The following HIP1 variants were observed in gnomAD, a reference collection of about 807,000 sequenced individuals.
HIP1 encodes huntingtin interacting protein 1.
HIP1 carries 65 observed loss-of-function variants against 147.6 expected under a neutral mutation model. That is an observed-to-expected ratio of 0.44 (90% CI 0.36 to 0.54). The LOEUF (loss-of-function observed/expected upper bound fraction) is 0.54. Among genes scored for constraint, HIP1 ranks in the 20% least tolerant of loss-of-function variants. The pLI is 0.00. For missense variants in HIP1, 1,061 were observed against 1,299.6 expected (o/e 0.82, Z 2.82); for synonymous variants, 479 against 504.0 (o/e 0.95, Z 0.67).
intron 1 of HIP1, among the ~76,000 whole-genome samples, chr7:75,601,732 G>T (rs1325214011): frequency 2.0e-5 from 3 of 152,080 alleles, no homozygotes; most frequent in Non-Finnish European, 4.4e-5. Flanking sequence ...CATTACAAAG[G>T]CAGAGTTGAA....
At chr7:75,658,553 G>C (rs1375442824) in intron 1 of HIP1, among the ~76,000 whole-genome samples, 1 of 152,056 alleles carries the variant, frequency 6.6e-6, no homozygotes, top group South Asian at 2.1e-4. Flanking sequence ...CACAGAGGTC[G>C]CTGGGTTTGG....
At chr7:75,542,802 G>A (rs369861671) in intron 28 of HIP1, 49 bp downstream of exon 28, 1 of 1,595,128 alleles carries the variant, frequency 6.3e-7, no homozygotes, top group Admixed American at 1.7e-5. Context: ...AGGATGCAGA[G>A]AAGAGCTCAA....
intron 1 of HIP1, among the ~76,000 whole-genome samples, chr7:75,607,765 C>T (rs998964177): frequency 7.2e-5 from 11 of 151,730 alleles, no homozygotes; most frequent in Non-Finnish European, 1.3e-4. Context: ...TGCCCAGGCC[C>T]GTAACATCAG....
intron 1 of HIP1, among the ~76,000 whole-genome samples, chr7:75,686,687 A>C (rs1554517624): frequency 6.6e-6 from 1 of 151,526 alleles, no homozygotes; most frequent in Non-Finnish European, 1.5e-5. Flanking sequence ...TTTGAGACAG[A>C]GTTTCACTCT....
intron 5 of HIP1, among the ~76,000 whole-genome samples, chr7:75,582,454 G>C (rs1260606046): frequency 4.6e-5 from 7 of 152,186 alleles, no homozygotes; most frequent in African/African-American, 1.7e-4. Context: ...CTGTGGCAAA[G>C]GGAAAAGGCC....
At chr7:75,623,370 C>A (rs1377668119) in intron 1 of HIP1, among the ~76,000 whole-genome samples, 2 of 152,220 alleles carry the variant, frequency 1.3e-5, no homozygotes, top group Admixed American at 6.5e-5. Context: ...TCAAGGTTTT[C>A]TTGTTTCCAG....
rs1256122203 is a variant in HIP1 at position 75,723,955 on chromosome 7, G to T, written c.120+14846C>A. ...ATTATCATTTATATATATATAGAGAGAGAGAGAGAGAGAGAAAGAGAGACA... is the reference window on the plus strand; with the variant it reads ...ATTATCATTTATATATATATAGAGATAGAGAGAGAGAGAGAAAGAGAGACA... On this transcript the variant is annotated intron_variant, in intron 1 of 30. Transcript: ENST00000336926. 2.6e-3 allele frequency among the ~76,000 whole-genome samples: 343 copies of T among 129,766 alleles called. 2 individuals carry two copies. Among genetic ancestry groups the T allele is most frequent in the South Asian group, 8.1e-3 (29 of 3,570 alleles). 85.1% of individuals were successfully genotyped at this position (129,766 alleles called of 152,430 possible).
Position 75,533,646 on chromosome 7 carries a change from G to A in HIP1, c.*4526C>T, listed in dbSNP as rs79072232. ...TGAGTGGTAATCAGTTTCATTTAGG[G>A]CCTTCAAACCTGAGGTAGTTGAGGG... On this transcript the variant is annotated 3_prime_UTR_variant, in exon 31 of 31. Transcript: ENST00000336926. 723 of 232,616 alleles carry A rather than the reference G, an allele frequency of 3.1e-3. 1 individual carries two copies. The highest frequency in any genetic ancestry group is 0.015 in the African/African-American group (685 of 45,428). The allele number at this position is 232,616 out of a possible 1,614,324, so 14.4% of individuals were successfully genotyped here.
Position 75,536,991 on chromosome 7 carries a change from G to C in HIP1, c.*1181C>G, listed in dbSNP as rs782336774. 11 of 231,874 alleles carry C rather than the reference G, an allele frequency of 4.7e-5. No homozygotes were observed. The highest frequency in any genetic ancestry group is 9.4e-5 in the Non-Finnish European group (11 of 117,284). The allele number at this position is 231,874 out of a possible 1,614,324, so 14.4% of individuals were successfully genotyped here. A position where few individuals can be genotyped will look rare whatever the true frequency, so the allele number is the denominator to read the frequency against. The stretch of plus-strand genomic sequence containing the variant: ...TTGTCAATTGCGTAGAAGGTGGAAC[G>C]ATCTTCCTATTCAAGAGGATGCCAA... On this transcript the variant is annotated 3_prime_UTR_variant, in exon 31 of 31. Transcript: ENST00000336926.
At chr7:75,574,302 G>C (rs1262735043) in intron 7 of HIP1, among the ~76,000 whole-genome samples, 1 of 151,566 alleles carries the variant, frequency 6.6e-6, no homozygotes, top group African/African-American at 2.4e-5. Flanking sequence ...AAAAAAAGTG[G>C]TTTTGGCAGG....
At chr7:75,724,746 G>A (rs903299197) in intron 1 of HIP1, among the ~76,000 whole-genome samples, 2 of 152,168 alleles carry the variant, frequency 1.3e-5, no homozygotes, top group African/African-American at 4.8e-5. Context: ...CACAAGACAC[G>A]AATGAATGGA....
rs1343305657 is a variant in HIP1, at chr7:75,536,412, A to G, written c.*1760T>C. 3 of 226,662 alleles carry G rather than the reference A, an allele frequency of 1.3e-5. No homozygotes were observed. Among genetic ancestry groups the G allele is most frequent in the Admixed American group, 1.1e-4 (2 of 17,534 alleles). The allele number at this position is 226,662 out of a possible 1,614,324, so 14.0% of individuals were successfully genotyped here. A position where few individuals can be genotyped will look rare whatever the true frequency, so the allele number is the denominator to read the frequency against. Reference sequence around the variant, plus strand: ...TCAAACAGAAGTCTCACAACCCGTCATGTAGCAAAACCTAGCAATATTCTG... The same window carrying G: ...TCAAACAGAAGTCTCACAACCCGTCGTGTAGCAAAACCTAGCAATATTCTG... On this transcript the variant is annotated 3_prime_UTR_variant, in exon 31 of 31. Coordinates refer to ENST00000336926, the MANE Select transcript of HIP1 (RefSeq NM_005338.7).
intron 1 of HIP1, among the ~76,000 whole-genome samples, chr7:75,634,374 G>A (rs1798350052): frequency 6.6e-6 from 1 of 151,984 alleles, no homozygotes; most frequent in South Asian, 2.1e-4. Flanking sequence ...GAGGCCAAAG[G>A]CCACGACCCC....
intron 1 of HIP1, among the ~76,000 whole-genome samples, chr7:75,699,775 A>G (rs1383841600): frequency 1.3e-5 from 2 of 151,844 alleles, no homozygotes; most frequent in Non-Finnish European, 2.9e-5. Context: ...GGCTCCTCTG[A>G]GCTTCTCTTC....
At chr7:75,565,012 C>T (rs1795354619) in intron 9 of HIP1, among the ~76,000 whole-genome samples, 1 of 152,198 alleles carries the variant, frequency 6.6e-6, no homozygotes, top group Non-Finnish European at 1.5e-5. Context: ...CCTCCCACCT[C>T]AGCCTCCTGA....
intron 1 of HIP1, among the ~76,000 whole-genome samples, chr7:75,693,581 A>G (rs1554518426): frequency 6.6e-6 from 1 of 152,120 alleles, no homozygotes; most frequent in Non-Finnish European, 1.5e-5. Context: ...ATAACAGACT[A>G]AAATGATTTT....
intron 1 of HIP1, among the ~76,000 whole-genome samples, chr7:75,648,863 T>C (rs1271436952): frequency 6.6e-6 from 1 of 152,026 alleles, no homozygotes; most frequent in Non-Finnish European, 1.5e-5. Context: ...CCCAGCACTT[T>C]AGGAGGCCAA....
At chr7:75,645,012 T>G (rs1193087751) in intron 1 of HIP1, among the ~76,000 whole-genome samples, 1 of 152,088 alleles carries the variant, frequency 6.6e-6, no homozygotes, top group East Asian at 1.9e-4. Context: ...AACACACAAA[T>G]TCCTAGACCT....
At chr7:75,692,530 C>A (rs1800495868) in intron 1 of HIP1, among the ~76,000 whole-genome samples, 2 of 151,868 alleles carry the variant, frequency 1.3e-5, no homozygotes, top group South Asian at 2.1e-4. Context: ...AGACCATTCT[C>A]ATGCCTTAGC....
Sources: gnomAD v4.1 joint callset for allele counts (sites outside exome capture counted in the v4.1 genomes callset) on GRCh38, gnomAD v4.1.1 for gene constraint, MANE v1.5 for transcripts, NCBI Gene and HGNC (gene_info 2026-07-23, HGNC 2026-07-21) for gene names.